Variants in THADA observed in about 807,000 individuals in gnomAD.
The protein encoded by THADA is tRNA (32-2'-O)-methyltransferase regulator THADA.
THADA carries 213 observed loss-of-function variants against 219.8 expected under a neutral mutation model. The observed-to-expected ratio is 0.97, with a 90% CI of 0.87 to 1.09. THADA has a LOEUF of 1.09. THADA is among the 50% of genes least tolerant of loss of function. The pLI is 0.00. For synonymous variants in THADA, 1,018 were observed against 828.9 expected, an observed-to-expected ratio of 1.23 and a Z score of -3.92; for missense variants, 2,956 against 2,311.3, an observed-to-expected ratio of 1.28 and a Z score of -5.72.
intron 25 of THADA, among the ~76,000 whole-genome samples, chr2:43,488,621 T>G (rs577657104): frequency 6.6e-6 from 1 of 152,258 alleles, no homozygotes; most frequent in South Asian, 2.1e-4. Context: ...TGGAATATTA[T>G]GAATAATTTT....
intron 29 of THADA, among the ~76,000 whole-genome samples, chr2:43,397,369 C>A (rs778669340): frequency 6.6e-6 from 1 of 152,136 alleles, no homozygotes; most frequent in African/African-American, 2.4e-5. Flanking sequence ...TGAAATAGGG[C>A]AGTTTCAGTA....
intron 29 of THADA, 127 bp downstream of exon 29, chr2:43,397,844 A>G (rs77307304): frequency 1.3e-5 from 10 of 766,946 alleles, no homozygotes; most frequent in Admixed American, 6.2e-5. Flanking sequence ...TCGGAAGTAG[A>G]AAAAAAAAAG....
intron 30 of THADA, among the ~76,000 whole-genome samples, chr2:43,332,384 C>CT (rs1322400998): frequency 4.6e-5 from 7 of 152,218 alleles, no homozygotes; most frequent in Non-Finnish European, 7.3e-5. Flanking sequence ...CACACTTTGA[C>CT]TAATTCTAGC....
rs542891576 is a variant in THADA at position 43,516,275 on chromosome 2, A to G, written c.3375-7495T>C. 4.0e-4 allele frequency among the ~76,000 whole-genome samples: 61 copies of G among 152,306 alleles called. 1 individual carries two copies. Among genetic ancestry groups the G allele is most frequent in the Admixed American group, 5.2e-4 (8 of 15,288 alleles). On this transcript the variant is annotated intron_variant, in intron 22 of 37. Transcript: ENST00000405975. ...GATCATGTCACTCCTCTGTTCACAA[A>G]CACTCCAATGGCTCCCCATTTTACT...
At chr2:43,429,990 G>A (rs915004741) in intron 27 of THADA, among the ~76,000 whole-genome samples, 2 of 152,100 alleles carry the variant, frequency 1.3e-5, no homozygotes, top group African/African-American at 2.4e-5. Flanking sequence ...GAAACATGAC[G>A]AAACCCCATC....
chr2:43,261,793 T>C (rs146322666), intron 36 of THADA, among the ~76,000 whole-genome samples: 1 of 152,168 alleles, frequency 6.6e-6, no homozygotes, highest in South Asian at 2.1e-4. Context: ...CATGCCACCA[T>C]GCCCAGCTAA....
intron 25 of THADA, among the ~76,000 whole-genome samples, chr2:43,493,893 G>T (rs1432880688): frequency 6.6e-6 from 1 of 152,010 alleles, no homozygotes; most frequent in African/African-American, 2.4e-5. Flanking sequence ...CTTCCCTCTT[G>T]CTATCTTACA....
intron 23 of THADA, among the ~76,000 whole-genome samples, chr2:43,507,761 G>T (rs943556200): frequency 6.6e-6 from 1 of 152,114 alleles, no homozygotes; most frequent in African/African-American, 2.4e-5. Context: ...ATTAACCAAA[G>T]GTCTTTCAGG....
chr2:43,558,744 T>C (rs1039606114), intron 16 of THADA, among the ~76,000 whole-genome samples: 6 of 152,074 alleles, frequency 3.9e-5, no homozygotes, highest in African/African-American at 1.5e-4. Context: ...CTTAATAAAC[T>C]CTCCTTTATA....
intron 9 of THADA, among the ~76,000 whole-genome samples, chr2:43,577,904 T>C (rs1483179002): frequency 1.3e-5 from 2 of 152,086 alleles, no homozygotes; most frequent in Non-Finnish European, 2.9e-5. Flanking sequence ...AAAATATCTT[T>C]TAAGATACTA....
intron 25 of THADA, among the ~76,000 whole-genome samples, chr2:43,496,679 G>A (rs901859838): frequency 7.9e-5 from 12 of 151,728 alleles, no homozygotes; most frequent in East Asian, 1.9e-4. Context: ...AAAAGATAAC[G>A]AGTATTGGTA....
chr2:43,559,554 C>A (rs1697807523), intron 16 of THADA, among the ~76,000 whole-genome samples: 1 of 152,208 alleles, frequency 6.6e-6, no homozygotes, highest in Admixed American at 6.5e-5. Flanking sequence ...GGTGACCCAA[C>A]AGCCCTAGGA....
At chr2:43,433,674 CT>C (rs1434210364) in intron 26 of THADA, among the ~76,000 whole-genome samples, 2 of 151,994 alleles carry the variant, frequency 1.3e-5, no homozygotes, top group African/African-American at 4.8e-5. Flanking sequence ...GTGTGTGTGT[CT>C]GCAAGACTTC....
At chr2:43,382,326 G>A (rs1042044237) in intron 29 of THADA, among the ~76,000 whole-genome samples, 1 of 152,034 alleles carries the variant, frequency 6.6e-6, no homozygotes, top group Non-Finnish European at 1.5e-5. Flanking sequence ...CTAGGTGAGG[G>A]GTGTACAGAA....
intron 26 of THADA, among the ~76,000 whole-genome samples, chr2:43,451,255 G>A (rs910161304): frequency 2.0e-4 from 30 of 152,210 alleles, no homozygotes; most frequent in African/African-American, 6.7e-4. Context: ...CTGCCACCAC[G>A]AGCTCCAGAG....
chr2:43,301,415 G>A (rs1451981422), intron 31 of THADA, among the ~76,000 whole-genome samples: 2 of 152,338 alleles, frequency 1.3e-5, no homozygotes, highest in Admixed American at 6.5e-5. Flanking sequence ...ACACTGGCTC[G>A]TTGTGTGCAG....
In THADA at chr2:43,431,696, G is replaced by A. The variant is rs1395891336; in HGVS notation, c.3837-1394C>T. The stretch of plus-strand genomic sequence containing the variant: ...TTTTTTTTTTTTGAGACGGAGTCTC[G>A]CTCTGTCGCCCAGGCTGGAATGCAG... On this transcript the variant is annotated intron_variant, in intron 26 of 37. Coordinates refer to ENST00000405975, the MANE Select transcript of THADA (RefSeq NM_022065.5). Among the ~76,000 whole-genome samples the A allele has an allele frequency of 2.0e-3, 67 of 33,952 alleles. 1 individual carries two copies. Among genetic ancestry groups the A allele is most frequent in the African/African-American group, 6.8e-3 (37 of 5,446 alleles). 22.3% of individuals were successfully genotyped at this position (33,952 alleles called of 152,430 possible).
chr2:43,359,146 T>C (rs1200192460), intron 29 of THADA, among the ~76,000 whole-genome samples: 2 of 152,222 alleles, frequency 1.3e-5, no homozygotes, highest in Non-Finnish European at 2.9e-5. Context: ...AACCAGGCAG[T>C]GTCTTAAGCA....
At chr2:43,570,571 G>C in intron 13 of THADA, 61 bp from the exon 14 acceptor site, 2 of 1,535,690 alleles carry the variant, frequency 1.3e-6, no homozygotes, top group South Asian at 1.3e-5. Flanking sequence ...ATGTCAGCCT[G>C]AGAGGCAAAT....
Sources: gnomAD v4.1 joint callset for allele counts (sites outside exome capture counted in the v4.1 genomes callset) on GRCh38, gnomAD v4.1.1 for gene constraint, MANE v1.5 for transcripts, NCBI Gene and HGNC (gene_info 2026-07-23, HGNC 2026-07-21) for gene names.